Variants in LSMEM1 observed in about 807,000 individuals in gnomAD.
LSMEM1 encodes leucine rich single-pass membrane protein 1, also known as leucine-rich single-pass membrane protein 1.
Under a neutral mutation model 11.3 loss-of-function variants are expected in LSMEM1, and 10 were observed. The ratio of observed to expected loss-of-function variants is 0.89; its 90% CI spans 0.55 to 1.50. LSMEM1 has a LOEUF of 1.50. Ranked by LOEUF, LSMEM1 falls within the 40% of genes most tolerant of loss-of-function variation. LSMEM1 has a pLI of 0.00. For missense variants in LSMEM1, 151 were observed against 152.9 expected (o/e 0.99, Z 0.06); for synonymous variants, 65 against 59.3 (o/e 1.10, Z -0.44).
chr7:112,486,655 A>T (rs1796133304), intron 2 of LSMEM1, among the ~76,000 whole-genome samples: 1 of 152,170 alleles, frequency 6.6e-6, no homozygotes, highest in Non-Finnish European at 1.5e-5. Flanking sequence ...GGGGGCCTGT[A>T]GTCCCAGCTA....
intron 3 of LSMEM1, among the ~76,000 whole-genome samples, chr7:112,488,943 G>C (rs75788224): frequency 0.048 from 7,350 of 152,278 alleles, 536 homozygotes; most frequent in African/African-American, 0.16. Context: ...CTGAGATTTA[G>C]AGAGATCTAT....
At chr7:112,486,294 C>A in intron 2 of LSMEM1, 1 of 418,040 alleles carries the variant, frequency 2.4e-6, no homozygotes, top group Non-Finnish European at 4.9e-6. Context: ...TCACTCTTAG[C>A]CTTTAACTTC....
rs750116995 is a variant in LSMEM1 at position 112,489,831 on chromosome 7, A to G, written c.278A>G (p.Asp93Gly). ...GAAGTTCAAACTGGAAACAAGATGG[A>G]TGATGTGTCAAGAAGACTAACAGCT... Reference protein sequence around the residue: ...FLIVQTGNKMDDVSRRLTAEG... With the variant: ...FLIVQTGNKMGDVSRRLTAEG... Residue 93 changes from aspartate (D) to glycine (G), a missense_variant, in exon 4 of 4, where the codon GAT becomes GGT. Transcript: ENST00000312849. 4 of 1,613,248 alleles carry G rather than the reference A, an allele frequency of 2.5e-6. No homozygotes were observed. The highest frequency in any genetic ancestry group is 1.1e-5 in the South Asian group (1 of 90,848).
chr7:112,489,019 T>C (rs1328630561), intron 3 of LSMEM1, among the ~76,000 whole-genome samples: 2 of 152,366 alleles, frequency 1.3e-5, no homozygotes, highest in East Asian at 3.9e-4. Context: ...CCACTTGACA[T>C]CAAAGACTAT....
Position 112,481,290 on chromosome 7 carries a change from G to C in LSMEM1, c.-62G>C, listed in dbSNP as rs1039012548. On this transcript the variant is annotated 5_prime_UTR_variant, in exon 1 of 4. Transcript: ENST00000312849. ...GCTTCTGAACAATTAGTTTTTGTTT[G>C]TTTGTTTTGTTTTGTTTTGTTTTTC... The C allele has an allele frequency of 8.6e-6, 1 of 116,372 alleles. No individual in the cohort carries two copies. The highest frequency in any genetic ancestry group is 1.9e-5 in the Non-Finnish European group (1 of 51,686). 7.2% of individuals were successfully genotyped at this position (116,372 alleles called of 1,614,324 possible).
At chr7:112,489,754 A>G in intron 3 of LSMEM1, 56 bp from the exon 4 acceptor site, 1 of 1,562,882 alleles carries the variant, frequency 6.4e-7, no homozygotes, top group Non-Finnish European at 8.7e-7. Context: ...GATCTGATGA[A>G]TTTCAGTGGA....
At chr7:112,486,870 C>G in intron 2 of LSMEM1, 53 bp from the exon 3 acceptor site, 1 of 1,609,622 alleles carries the variant, frequency 6.2e-7, no homozygotes, top group African/African-American at 1.3e-5. Context: ...GTTCTGCTGA[C>G]AAGTTGTATG....
intron 1 of LSMEM1, among the ~76,000 whole-genome samples, 195 bp from the exon 2 acceptor site, chr7:112,484,617 A>C (rs1239457974): frequency 6.6e-6 from 1 of 152,328 alleles, no homozygotes; most frequent in East Asian, 1.9e-4. Flanking sequence ...AGCAAAGCAA[A>C]AAGAACGATT....
chr7:112,487,175 A>ATAAAGAAGGAATG, intron 3 of LSMEM1, 124 bp downstream of exon 3: 1 of 1,100,264 alleles, frequency 9.1e-7, no homozygotes, highest in Non-Finnish European at 1.3e-6. Flanking sequence ...CTTACATTGA[A>ATAAAGAAGGAATG]AAAAGAAGGA....
rs181533495 is a variant in LSMEM1, at chr7:112,489,771, T to A, written c.257-39T>A. On this transcript the variant is annotated intron_variant, in intron 3 of 3. Transcript: ENST00000312849. The stretch of plus-strand genomic sequence containing the variant: ...TCTGATGAATTTCAGTGGAACACAG[T>A]GGAAACCAATGTAACACAGTCTGTT... 15 of 1,588,612 alleles carry A rather than the reference T, an allele frequency of 9.4e-6. No homozygotes were observed. In the East Asian group the frequency reaches 3.4e-4, roughly 36 times the overall value.
intron 3 of LSMEM1, among the ~76,000 whole-genome samples, chr7:112,487,293 A>G (rs1388445819): frequency 1.3e-5 from 2 of 152,230 alleles, no homozygotes; most frequent in Admixed American, 6.5e-5. Context: ...AAATAATTCT[A>G]TAGCACTTTA....
chr7:112,482,298 G>A (rs1441022670), intron 1 of LSMEM1, among the ~76,000 whole-genome samples: 3 of 152,190 alleles, frequency 2.0e-5, no homozygotes, highest in Non-Finnish European at 4.4e-5. Context: ...GTCACCTTTT[G>A]AGTAGATAGC....
In LSMEM1 at chr7:112,490,068, ACCCAC is replaced by A; in HGVS notation, c.*123_*127del. 1 of 1,216,680 alleles carries A rather than the reference ACCCAC, an allele frequency of 8.2e-7. No homozygotes were observed. The highest frequency in any genetic ancestry group is 2.5e-5 in the Admixed American group (1 of 39,742). The allele number at this position is 1,216,680 out of a possible 1,614,324, so 75.4% of individuals were successfully genotyped here. On this transcript the variant is annotated 3_prime_UTR_variant, in exon 4 of 4. Transcript: ENST00000312849. ...AGGCAACAGATGATCTGGTCAGGCA[ACCCAC>A]CCCTGGGGCCCACTTTCTGCAGCAA...
chr7:112,484,367 G>A (rs1796087416), intron 1 of LSMEM1, among the ~76,000 whole-genome samples: 1 of 152,188 alleles, frequency 6.6e-6, no homozygotes, highest in Admixed American at 6.5e-5. Context: ...CTGCTGACTA[G>A]CTTAATTTTG....
chr7:112,485,287 G>A lies in LSMEM1; in HGVS notation c.127+344G>A, dbSNP rs552867120. Among the ~76,000 whole-genome samples the A allele has an allele frequency of 7.0e-4, 106 of 152,250 alleles. 1 individual carries two copies. The highest frequency in any genetic ancestry group is 9.2e-4 in the Admixed American group (14 of 15,290). ...TGACCATGGCTAGGTTACCGATGGG[G>A]ACCACTTCCCACAGGAGTGTTGTTT... On this transcript the variant is annotated intron_variant, in intron 2 of 3. Coordinates refer to ENST00000312849, the MANE Select transcript of LSMEM1 (RefSeq NM_182597.3).
chr7:112,486,357 A>G (rs1230100341), intron 2 of LSMEM1: 2 of 454,554 alleles, frequency 4.4e-6, no homozygotes, highest in Non-Finnish European at 8.9e-6. Context: ...TTCAGTGTTA[A>G]GACAGTCTTC....
chr7:112,486,415 T>C (rs1796128021), intron 2 of LSMEM1: 1 of 448,782 alleles, frequency 2.2e-6, no homozygotes, highest in African/African-American at 2.0e-5. Context: ...CCCTGCTTAT[T>C]CCTTGAATAC....
chr7:112,486,647 G>A (rs1796133036), intron 2 of LSMEM1, among the ~76,000 whole-genome samples: 1 of 152,070 alleles, frequency 6.6e-6, no homozygotes, highest in Non-Finnish European at 1.5e-5. Context: ...GTGGTGGCGG[G>A]GGCCTGTAGT....
At chr7:112,487,461 C>T (rs375863234) in intron 3 of LSMEM1, among the ~76,000 whole-genome samples, 97 of 152,352 alleles carry the variant, frequency 6.4e-4, no homozygotes, top group African/African-American at 2.2e-3. Flanking sequence ...GGTTTTCTCA[C>T]TTGCATATCA....
Sources: gnomAD v4.1 joint callset for allele counts (sites outside exome capture counted in the v4.1 genomes callset) on GRCh38, gnomAD v4.1.1 for gene constraint, MANE v1.5 for transcripts, NCBI Gene and HGNC (gene_info 2026-07-23, HGNC 2026-07-21) for gene names.